Variants in PHACTR3 observed in about 807,000 individuals in gnomAD.
The protein encoded by PHACTR3 is protein phosphatase 1, regulatory subunit 123.
PHACTR3 carries 16 observed loss-of-function variants against 66.8 expected under a neutral mutation model. That is an observed-to-expected ratio of 0.24 (90% CI 0.16 to 0.36). The LOEUF (loss-of-function observed/expected upper bound fraction) is 0.36. PHACTR3 is among the 10% of genes least tolerant of loss of function. PHACTR3 has a pLI of 1.00. For synonymous variants in PHACTR3, 323 were observed against 292.1 expected, an observed-to-expected ratio of 1.11 and a Z score of -1.08; for missense variants, 647 against 719.9, an observed-to-expected ratio of 0.90 and a Z score of 1.16.
chr20:59,803,304 G>T (rs2041471488), intron 7 of PHACTR3, among the ~76,000 whole-genome samples: 1 of 152,074 alleles, frequency 6.6e-6, no homozygotes, highest in Admixed American at 6.5e-5. Context: ...TTAATTTCAA[G>T]AATTGTGAAA....
At chr20:59,712,500 C>A (rs2037945084) in intron 1 of PHACTR3, among the ~76,000 whole-genome samples, 1 of 152,188 alleles carries the variant, frequency 6.6e-6, no homozygotes, top group Non-Finnish European at 1.5e-5. Flanking sequence ...CCAGCCATAA[C>A]TTTGCACACT....
chr20:59,760,052 T>G (rs1285520853), intron 4 of PHACTR3, among the ~76,000 whole-genome samples: 3 of 152,034 alleles, frequency 2.0e-5, no homozygotes, highest in Non-Finnish European at 4.4e-5. Flanking sequence ...AAACCTCCCA[T>G]GAGCTTTGCT....
intron 1 of PHACTR3, among the ~76,000 whole-genome samples, chr20:59,682,852 G>A (rs1472617851): frequency 6.6e-6 from 1 of 152,170 alleles, no homozygotes; most frequent in Non-Finnish European, 1.5e-5. Flanking sequence ...AGGGAGACGG[G>A]AGAGAAGCAG....
intron 1 of PHACTR3, among the ~76,000 whole-genome samples, chr20:59,618,633 C>G (rs1470775330): frequency 1.3e-5 from 2 of 152,220 alleles, no homozygotes; most frequent in Non-Finnish European, 2.9e-5. Flanking sequence ...CATGAGGCAC[C>G]TACGTGGTGT....
rs374721206 is a variant in PHACTR3 at position 59,719,133 on chromosome 20, A to C, written c.119-23974A>C. On this transcript the variant is annotated intron_variant, in intron 1 of 12. Coordinates refer to ENST00000371015, the MANE Select transcript of PHACTR3 (RefSeq NM_080672.5). Reference sequence around the variant, plus strand: ...CGGGGCTGTCGGGCTGCTAAACTGCATGCTGGGGCGAAATTCCCTTTCTCT... The same window carrying C: ...CGGGGCTGTCGGGCTGCTAAACTGCCTGCTGGGGCGAAATTCCCTTTCTCT... Among the ~76,000 whole-genome samples, 11 of 152,196 alleles carry C rather than the reference A, an allele frequency of 7.2e-5. No homozygotes were observed. The East Asian group carries it at 1.7e-3, about 24-fold the overall frequency.
chr20:59,825,767 G>T (rs1034965681), intron 8 of PHACTR3, among the ~76,000 whole-genome samples: 6 of 152,244 alleles, frequency 3.9e-5, no homozygotes, highest in Admixed American at 6.5e-5. Flanking sequence ...CGCTGGGTGG[G>T]AATCAGCTTG....
At chr20:59,806,286 G>A (rs575926543) in intron 8 of PHACTR3, 92 bp downstream of exon 8, 43 of 1,496,718 alleles carry the variant, frequency 2.9e-5, no homozygotes, top group Middle Eastern at 4.3e-4. Flanking sequence ...GTGCCAGGCC[G>A]GGACGCACAA....
chr20:59,702,574 T>C (rs1336596794), intron 1 of PHACTR3, among the ~76,000 whole-genome samples: 3 of 152,344 alleles, frequency 2.0e-5, no homozygotes, highest in African/African-American at 7.2e-5. Flanking sequence ...CCTTGCCTGT[T>C]TAGCTGGCCA....
chr20:59,756,822 T>G (rs1217994431), intron 4 of PHACTR3, among the ~76,000 whole-genome samples: 1 of 150,024 alleles, frequency 6.7e-6, no homozygotes, highest in Non-Finnish European at 1.5e-5. Context: ...TCCCTCCCCC[T>G]CCCCCCACCA....
Position 59,662,003 on chromosome 20 carries a change from C to T in PHACTR3, c.118+56871C>T, listed in dbSNP as rs193019511. Among the ~76,000 whole-genome samples the T allele has an allele frequency of 2.7e-3, 405 of 152,156 alleles. 5 individuals carry two copies. Among genetic ancestry groups the T allele is most frequent in the Admixed American group, 9.9e-3 (152 of 15,288 alleles). On this transcript the variant is annotated intron_variant, in intron 1 of 12. Transcript: ENST00000371015. ...GGAACTCGCGGTGGAATATTGTATT[C>T]GGTGCTGCACAGGAGACCCCATTTA...
chr20:59,800,091 G>A (rs866938737), intron 7 of PHACTR3, among the ~76,000 whole-genome samples: 3 of 152,212 alleles, frequency 2.0e-5, no homozygotes, highest in Middle Eastern at 6.8e-3. Context: ...GTATACTTCT[G>A]TTCTCCTTTC....
At chr20:59,660,935 C>A (rs2035785270) in intron 1 of PHACTR3, among the ~76,000 whole-genome samples, 1 of 152,168 alleles carries the variant, frequency 6.6e-6, no homozygotes, top group African/African-American at 2.4e-5. Context: ...TTCTATTTGT[C>A]CTTACATATA....
At chr20:59,838,338 T>C (rs143884001) in intron 9 of PHACTR3, among the ~76,000 whole-genome samples, 2 of 152,348 alleles carry the variant, frequency 1.3e-5, no homozygotes, top group African/African-American at 4.8e-5. Flanking sequence ...TATTGTATTT[T>C]CTTCTTGTAA....
chr20:59,668,905 A>ATTTTG (rs2036093931), intron 1 of PHACTR3, among the ~76,000 whole-genome samples: 1 of 150,138 alleles, frequency 6.7e-6, no homozygotes, highest in Non-Finnish European at 1.5e-5. Context: ...ATTTTATTTT[A>ATTTTG]TTTTATTTTA....
At chr20:59,733,450 A>T (rs1182463) in intron 1 of PHACTR3, among the ~76,000 whole-genome samples, 144,079 of 152,286 alleles carry the variant, frequency 0.95, 68,246 homozygotes, top group African/African-American at 0.99. Context: ...AGGCAATTGG[A>T]TTTTCAGTGC....
intron 1 of PHACTR3, among the ~76,000 whole-genome samples, chr20:59,696,818 T>G (rs1259415096): frequency 1.3e-5 from 2 of 152,150 alleles, no homozygotes; most frequent in Admixed American, 6.5e-5. Context: ...TGGGAGACCT[T>G]GAAGGCTGAT....
intron 1 of PHACTR3, among the ~76,000 whole-genome samples, chr20:59,589,648 A>G: frequency 6.6e-6 from 1 of 152,110 alleles, no homozygotes; most frequent in East Asian, 1.9e-4. Context: ...AGCTCCACGG[A>G]CTCTGCTGGG....
intron 1 of PHACTR3, among the ~76,000 whole-genome samples, chr20:59,727,428 C>A (rs781593939): frequency 6.6e-6 from 1 of 152,098 alleles, no homozygotes. Flanking sequence ...CTGTAGTCAG[C>A]GCCACCATGC....
chr20:59,718,575 A>C (rs2038180230), intron 1 of PHACTR3, among the ~76,000 whole-genome samples: 2 of 151,810 alleles, frequency 1.3e-5, no homozygotes, highest in African/African-American at 4.8e-5. Flanking sequence ...AAAAAAAAAA[A>C]ACCTCCAAAA....
Sources: gnomAD v4.1 joint callset for allele counts (sites outside exome capture counted in the v4.1 genomes callset) on GRCh38, gnomAD v4.1.1 for gene constraint, MANE v1.5 for transcripts, NCBI Gene and HGNC (gene_info 2026-07-23, HGNC 2026-07-21) for gene names.